MGST1: variants seen among roughly 807,000 people sequenced by gnomAD.
MGST1 encodes the protein microsomal glutathione S-transferase 1, also known as glutathione S-transferase 12.
MGST1 carries 5 observed loss-of-function variants against 8.9 expected under a neutral mutation model. The observed-to-expected ratio is 0.56, with a 90% confidence interval of 0.29 to 1.19. The LOEUF (loss-of-function observed/expected upper bound fraction) is 1.19, where lower values mean the gene tolerates loss of function less well. MGST1 is among the 50% of genes most tolerant of loss of function. The pLI is 0.08. For missense variants in MGST1, 182 were observed against 187.4 expected (o/e 0.97, Z 0.17); for synonymous variants, 54 against 67.8 (o/e 0.80, Z 1.00).
chr12:16,374,598 C>G (rs1940350931), intron 3 of MGST1, among the ~76,000 whole-genome samples: 2 of 151,870 alleles, frequency 1.3e-5, no homozygotes, highest in East Asian at 3.9e-4. Context: ...TTTTAGGAAC[C>G]TACCCCAAAG....
intron 4 of MGST1, among the ~76,000 whole-genome samples, chr12:16,507,754 A>G (rs958559462): frequency 6.6e-6 from 1 of 152,106 alleles, no homozygotes; most frequent in Non-Finnish European, 1.5e-5. Context: ...AGATCTCGTG[A>G]GAACTCACTC....
intron 4 of MGST1, among the ~76,000 whole-genome samples, chr12:16,535,284 A>G (rs1941748763): frequency 6.6e-6 from 1 of 152,230 alleles, no homozygotes; most frequent in African/African-American, 2.4e-5. Flanking sequence ...TCATCAATGA[A>G]CAAGTGGCCT....
intron 4 of MGST1, among the ~76,000 whole-genome samples, chr12:16,449,527 A>G (rs1369832310): frequency 6.6e-6 from 1 of 151,954 alleles, no homozygotes; most frequent in Non-Finnish European, 1.5e-5. Flanking sequence ...GATATGTTTC[A>G]TAGTTAGTGA....
chr12:16,366,649 A>ACACC (rs1940196252), downstream of MGST1, among the ~76,000 whole-genome samples: 1 of 71,274 alleles, frequency 1.4e-5, no homozygotes, highest in Non-Finnish European at 3.1e-5. This position sits in a 1 kb window ranked among gnomAD's most constrained non-coding sequence, Gnocchi z 4.0. Context: ...ACACACACAC[A>ACACC]CACACACACA....
intron 1 of MGST1, among the ~76,000 whole-genome samples, chr12:16,395,023 T>C (rs1940593090): frequency 2.0e-5 from 3 of 152,122 alleles, no homozygotes; most frequent in Non-Finnish European, 4.4e-5. Flanking sequence ...TTTACAATTT[T>C]TTTGATAAGG....
chr12:16,569,904 TTTATC>T (rs1420828640), intron 4 of MGST1, among the ~76,000 whole-genome samples: 13 of 152,126 alleles, frequency 8.5e-5, no homozygotes, highest in African/African-American at 3.1e-4. Flanking sequence ...AAACAAATAT[TTTATC>T]TAATCACTAT....
chr12:16,497,226 C>T lies in MGST1; in HGVS notation n.483-92302C>T, dbSNP rs1441686444. On this transcript the variant is annotated intron_variant and non_coding_transcript_variant, in intron 4 of 4. Coordinates refer to the MGST1 transcript ENST00000538857. The surrounding 1 kb of genome is among the most constrained non-coding windows in gnomAD (Gnocchi z 4.4). ...TTGAAATCAGATCCCACTGTTCACA[C>T]GCTTTTCCTTTGTTTAACCAAAAAT... Among the ~76,000 whole-genome samples, 3 of 152,150 alleles carry T rather than the reference C, an allele frequency of 2.0e-5. No homozygotes were observed. The highest frequency in any genetic ancestry group is 1.3e-4 in the Admixed American group (2 of 15,256).
In MGST1 at chr12:16,483,801, A is replaced by G. The variant is rs182957576; in HGVS notation, n.482+100197A>G. Among the ~76,000 whole-genome samples the G allele has an allele frequency of 1.3e-3, 203 of 152,314 alleles. 1 individual carries two copies. The highest frequency in any genetic ancestry group is 4.7e-3 in the African/African-American group (197 of 41,582). ...CACTTCTTTCATAAAAATTAGTAAG[A>G]ATGTGAAAGATTTGGGTACTATAAT... On this transcript the variant is annotated intron_variant and non_coding_transcript_variant, in intron 4 of 4. Transcript: ENST00000538857.
At chr12:16,397,809 T>A (rs1015699913) in intron 1 of MGST1, among the ~76,000 whole-genome samples, 1 of 150,210 alleles carries the variant, frequency 6.7e-6, no homozygotes, top group Non-Finnish European at 1.5e-5. Flanking sequence ...TGTATATATT[T>A]AAGTGTCAAG....
chr12:16,455,556 G>A (rs1034123435), intron 4 of MGST1, among the ~76,000 whole-genome samples: 1 of 151,718 alleles, frequency 6.6e-6, no homozygotes, highest in Non-Finnish European at 1.5e-5. Flanking sequence ...ATAGCACAGG[G>A]GAGTCTTCAG....
rs562157388 is a variant in MGST1 at position 16,363,548 on chromosome 12, A to T, written c.222-247A>T. ...ATAGATGTCGTTTTGATATTCTAGG[A>T]ACTACAAAATGCCTTCTGTGATATT... On this transcript the variant is annotated intron_variant, in intron 3 of 3. Coordinates refer to ENST00000396210, the MANE Select transcript of MGST1 (RefSeq NM_020300.5). This position sits in a 1 kb window ranked among gnomAD's most constrained non-coding sequence, Gnocchi z 4.6. The T allele has an allele frequency of 1.7e-4, 47 of 271,086 alleles. No individual in the cohort carries two copies. Among genetic ancestry groups the T allele is most frequent in the Middle Eastern group, 2.2e-3 (2 of 906 alleles). 16.8% of individuals were successfully genotyped at this position (271,086 alleles called of 1,614,324 possible).
chr12:16,511,854 A>T (rs1290074059), intron 4 of MGST1, among the ~76,000 whole-genome samples: 1 of 152,160 alleles, frequency 6.6e-6, no homozygotes, highest in East Asian at 1.9e-4. Context: ...GATATATGCT[A>T]ATATCCACTC....
At chr12:16,479,535 CTTTT>C (rs71054820) in intron 4 of MGST1, among the ~76,000 whole-genome samples, 2 of 113,118 alleles carry the variant, frequency 1.8e-5, no homozygotes, top group African/African-American at 3.8e-5. Flanking sequence ...CGCCCGGCCT[CTTTT>C]TTTTTTTTTT....
chr12:16,479,308 C>T (rs1306584041), intron 4 of MGST1, among the ~76,000 whole-genome samples: 1 of 136,462 alleles, frequency 7.3e-6, no homozygotes, highest in African/African-American at 2.7e-5. Context: ...GATCTGGGCT[C>T]ACTGCAAGCT....
rs1940734400 is a variant in MGST1, at chr12:16,410,636, G to GTATATTATATA, written n.779-26750_779-26749insTATTATATATA. ...CATATAAATATTAATATATGTATAT[G>GTATATTATATA]TAATACATATATTATATATAAACAT... On this transcript the variant is annotated intron_variant and non_coding_transcript_variant, in intron 1 of 1. Coordinates refer to the MGST1 transcript ENST00000359720. This position sits in a 1 kb window ranked among gnomAD's most constrained non-coding sequence, Gnocchi z 4.4. 6.8e-6 allele frequency among the ~76,000 whole-genome samples: 1 copy of GTATATTATATA among 146,058 alleles called. No homozygotes were observed. The highest frequency in any genetic ancestry group is 1.5e-5 in the Non-Finnish European group (1 of 66,712).
At chr12:16,568,444 G>A (rs1278625627) in intron 4 of MGST1, among the ~76,000 whole-genome samples, 1 of 152,066 alleles carries the variant, frequency 6.6e-6, no homozygotes, top group Admixed American at 6.6e-5. Context: ...CATAATCCAA[G>A]CTAAGTACCC....
rs745815968 is a variant in MGST1 at position 16,547,993 on chromosome 12, C to T, written n.483-41535C>T. 1.3e-5 allele frequency among the ~76,000 whole-genome samples: 2 copies of T among 152,094 alleles called. No homozygotes were observed. The highest frequency in any genetic ancestry group is 2.9e-5 in the Non-Finnish European group (2 of 68,004). The stretch of plus-strand genomic sequence containing the variant: ...TTTCAGTTAAGGTGCAACATCTCTT[C>T]TGTAAAAATGTAGAATTGAGTTTCC... On this transcript the variant is annotated intron_variant and non_coding_transcript_variant, in intron 4 of 4. Transcript: ENST00000538857. The surrounding 1 kb of genome is among the most constrained non-coding windows in gnomAD (Gnocchi z 4.6).
intron 1 of MGST1, among the ~76,000 whole-genome samples, chr12:16,395,561 A>C (rs1940596541): frequency 1.3e-5 from 2 of 151,458 alleles, no homozygotes; most frequent in Admixed American, 1.3e-4. Flanking sequence ...GTCTTTTATC[A>C]CTCAACCCCC....
Position 16,428,776 on chromosome 12 carries a change from A to G in MGST1, n.779-8612A>G, listed in dbSNP as rs74063785. The stretch of plus-strand genomic sequence containing the variant: ...GCCTTACATTTTGTTTGTTATTTTT[A>G]TGAGGCTTGCTTTTACTTAAGATTT... On this transcript the variant is annotated intron_variant and non_coding_transcript_variant, in intron 1 of 1. Transcript: ENST00000359720. Among the ~76,000 whole-genome samples, 952 of 152,030 alleles carry G rather than the reference A, an allele frequency of 6.3e-3. 9 individuals carry two copies. The highest frequency in any genetic ancestry group is 0.021 in the African/African-American group (879 of 41,524).
Sources: gnomAD v4.1 joint callset for allele counts (sites outside exome capture counted in the v4.1 genomes callset) on GRCh38, gnomAD v4.1.1 for gene constraint, Gnocchi (gnomAD v3.1) non-coding constraint, MANE v1.5 for transcripts, NCBI Gene and HGNC (gene_info 2026-07-23, HGNC 2026-07-21) for gene names.